PTPRT: variants seen among roughly 807,000 people sequenced by gnomAD.
PTPRT encodes protein tyrosine phosphatase receptor type T, also known as receptor-type tyrosine-protein phosphatase T.
Under a neutral mutation model 176.8 loss-of-function variants are expected in PTPRT, and 56 were observed. That is an observed-to-expected ratio of 0.32 (90% CI 0.26 to 0.40). PTPRT has a LOEUF of 0.40. PTPRT is among the 10% of genes least tolerant of loss of function. The pLI is 1.00. For missense variants in PTPRT, 1,540 were observed against 1,908.2 expected (o/e 0.81, Z 3.60); for synonymous variants, 783 against 739.0 (o/e 1.06, Z -0.96).
At position 43,023,458 on chromosome 20, in the gene PTPRT, AG is replaced by A. The variant is rs139973177; in HGVS notation, c.89-137527del. Among the ~76,000 whole-genome samples, 9 of 152,296 alleles carry A rather than the reference AG, an allele frequency of 5.9e-5. No individual in the cohort carries two copies. In the East Asian group the frequency reaches 1.7e-3, roughly 29 times the overall value. ...AAGATGCTCCCCTCTGAGGCCAAAT[AG>A]GTGGCCCATGCTGCCAAGATTTCCT... On this transcript the variant is annotated intron_variant, in intron 1 of 30. Coordinates refer to ENST00000373187, the MANE Select transcript of PTPRT (RefSeq NM_007050.6).
At chr20:42,898,473 A>C (rs906980409) in intron 1 of PTPRT, among the ~76,000 whole-genome samples, 1 of 152,106 alleles carries the variant, frequency 6.6e-6, no homozygotes. Context: ...CTTCCAAAGC[A>C]CTGGGATTAT....
intron 6 of PTPRT, among the ~76,000 whole-genome samples, chr20:42,707,594 T>C (rs2146188133): frequency 6.6e-6 from 1 of 152,262 alleles, no homozygotes; most frequent in Admixed American, 6.5e-5. Context: ...CACCGGCTAA[T>C]AGCCAGCAAA....
At chr20:42,869,348 A>G (rs2145818700) in intron 2 of PTPRT, among the ~76,000 whole-genome samples, 1 of 152,252 alleles carries the variant, frequency 6.6e-6, no homozygotes, top group East Asian at 1.9e-4. Context: ...CACGCCCAGC[A>G]AAGCCATGAA....
At chr20:42,826,462 T>C (rs767443979) in intron 2 of PTPRT, among the ~76,000 whole-genome samples, 1 of 152,148 alleles carries the variant, frequency 6.6e-6, no homozygotes, top group Admixed American at 6.5e-5. Context: ...GGATAGCCAA[T>C]GATGATGACT....
the PTPRT span, among the ~76,000 whole-genome samples, chr20:42,052,789 C>G: frequency 1.3e-5 from 2 of 152,270 alleles, no homozygotes; most frequent in Admixed American, 1.3e-4. Flanking sequence ...CTCCTGCAGG[C>G]TGGAGCTCCC....
chr20:42,828,915 CA>C (rs2078041645), intron 2 of PTPRT, among the ~76,000 whole-genome samples: 1 of 152,160 alleles, frequency 6.6e-6, no homozygotes, highest in Non-Finnish European at 1.5e-5. Context: ...AGTCTCCATA[CA>C]GAATCTCCAC....
chr20:42,337,183 C>T (rs1211977126), intron 11 of PTPRT, among the ~76,000 whole-genome samples: 1 of 152,150 alleles, frequency 6.6e-6, no homozygotes, highest in Non-Finnish European at 1.5e-5. Flanking sequence ...TACAGTTAGA[C>T]TCACCATTAG....
intron 6 of PTPRT, among the ~76,000 whole-genome samples, chr20:42,751,120 T>C (rs2076764000): frequency 6.6e-6 from 1 of 152,154 alleles, no homozygotes; most frequent in Admixed American, 6.5e-5. Flanking sequence ...CAGTCAGCCA[T>C]GAATACGCCT....
At chr20:42,478,307 G>A (rs1270544423) in intron 7 of PTPRT, among the ~76,000 whole-genome samples, 5 of 152,166 alleles carry the variant, frequency 3.3e-5, no homozygotes, top group Admixed American at 3.3e-4. Flanking sequence ...TCATGCATGT[G>A]TGACTGACCC....
At chr20:42,241,285 A>G (rs2056348808) in intron 14 of PTPRT, among the ~76,000 whole-genome samples, 1 of 152,180 alleles carries the variant, frequency 6.6e-6, no homozygotes, top group South Asian at 2.1e-4. Context: ...GTGGTAAAGT[A>G]AAAGAGAAGT....
chr20:43,117,991 A>T (rs2013120641), intron 1 of PTPRT, among the ~76,000 whole-genome samples: 1 of 152,188 alleles, frequency 6.6e-6, no homozygotes, highest in African/African-American at 2.4e-5. Context: ...TGGAAAAAAA[A>T]TTGTTTTTAG....
In PTPRT at chr20:43,065,357, G is replaced by C. The variant is rs144564840; in HGVS notation, c.88+124289C>G. Among the ~76,000 whole-genome samples the C allele has an allele frequency of 4.5e-4, 68 of 152,322 alleles. 1 individual carries two copies. The East Asian group carries it at 0.012, about 26-fold the overall frequency. On this transcript the variant is annotated intron_variant, in intron 1 of 30. Transcript: ENST00000373187. ...GTAAGGATTTACAAGAGCCAGGCCTGAAAGTGGTATTTGTACATAACTTTC... is the reference window on the plus strand; with the variant it reads ...GTAAGGATTTACAAGAGCCAGGCCTCAAAGTGGTATTTGTACATAACTTTC...
At chr20:42,965,540 C>A (rs1738003432) in intron 1 of PTPRT, among the ~76,000 whole-genome samples, 1 of 152,058 alleles carries the variant, frequency 6.6e-6, no homozygotes, top group Non-Finnish European at 1.5e-5. Flanking sequence ...TTAACAAACA[C>A]CTCATGGAAA....
At chr20:42,044,956 C>A in the PTPRT span, among the ~76,000 whole-genome samples, 153 of 152,296 alleles carry the variant, frequency 1.0e-3, no homozygotes, top group Admixed American at 2.5e-3. Context: ...TGGCTTATTG[C>A]CCCTTCTGCC....
intron 7 of PTPRT, among the ~76,000 whole-genome samples, chr20:42,559,126 A>G (rs567173282): frequency 4.6e-5 from 7 of 152,290 alleles, no homozygotes; most frequent in African/African-American, 1.7e-4. Context: ...ATGCTGATGG[A>G]ATAGAACATT....
chr20:42,914,016 A>G (rs1306103776), intron 1 of PTPRT, among the ~76,000 whole-genome samples: 1 of 152,176 alleles, frequency 6.6e-6, no homozygotes, highest in Non-Finnish European at 1.5e-5. Context: ...GTAGCATGGT[A>G]TATTACTCCT....
chr20:42,098,028 G>T (rs1883374), intron 27 of PTPRT, among the ~76,000 whole-genome samples: 12,182 of 152,232 alleles, frequency 0.08, 1,267 homozygotes, highest in African/African-American at 0.24. Flanking sequence ...ATTGCAGAGG[G>T]GGAAGGGAGG....
chr20:42,158,633 C>G (rs1014089342), intron 17 of PTPRT, among the ~76,000 whole-genome samples: 2 of 152,110 alleles, frequency 1.3e-5, no homozygotes, highest in Non-Finnish European at 2.9e-5. Flanking sequence ...ATCACAGGAG[C>G]CTTGATGATC....
At chr20:42,655,634 G>A (rs1346727516) in intron 7 of PTPRT, among the ~76,000 whole-genome samples, 1 of 152,176 alleles carries the variant, frequency 6.6e-6, no homozygotes, top group African/African-American at 2.4e-5. Flanking sequence ...GGAGAAAAAA[G>A]AAACAGATCT....
Sources: gnomAD v4.1 joint callset for allele counts (sites outside exome capture counted in the v4.1 genomes callset) on GRCh38, gnomAD v4.1.1 for gene constraint, MANE v1.5 for transcripts, NCBI Gene and HGNC (gene_info 2026-07-23, HGNC 2026-07-21) for gene names.